IMMP2L: variants seen among roughly 807,000 people sequenced by gnomAD.
The protein encoded by IMMP2L is inner mitochondrial membrane peptidase subunit 2.
In IMMP2L, 18 loss-of-function variants were observed where a neutral mutation model predicts 19.3. The observed-to-expected ratio is 0.93, with a 90% CI of 0.64 to 1.38. The LOEUF is 1.38. Among genes scored for constraint, IMMP2L ranks in the 40% most tolerant of loss-of-function variants. The probability of loss-of-function intolerance (pLI) is 0.00; values close to 1 mark genes in which losing one functional copy is unlikely to be tolerated. For missense variants in IMMP2L, 233 were observed against 218.2 expected (o/e 1.07, Z -0.43); for synonymous variants, 76 against 73.0 (o/e 1.04, Z -0.21).
At chr7:111,087,301 T>G (rs1796428372) in intron 3 of IMMP2L, among the ~76,000 whole-genome samples, 1 of 151,880 alleles carries the variant, frequency 6.6e-6, no homozygotes, top group Non-Finnish European at 1.5e-5. Flanking sequence ...TACAAAAAAT[T>G]TGCAGGGCAT....
In IMMP2L at chr7:110,677,909, G is replaced by T. The variant is rs183390677; in HGVS notation, c.409-14188C>A. Among the ~76,000 whole-genome samples the T allele has an allele frequency of 2.2e-4, 34 of 152,186 alleles. No individual in the cohort carries two copies. In the South Asian group the frequency reaches 3.3e-3, roughly 15 times the overall value. ...TTCTTTGTGGGAAATGAGCTACTGA[G>T]ATTGCCCCCTCTGGTATCACCATCC... On this transcript the variant is annotated intron_variant, in intron 5 of 5. Transcript: ENST00000405709.
At chr7:111,042,874 T>C (rs528340078) in intron 3 of IMMP2L, among the ~76,000 whole-genome samples, 37 of 152,328 alleles carry the variant, frequency 2.4e-4, no homozygotes, top group African/African-American at 8.9e-4. Flanking sequence ...GAAGGCTATA[T>C]GTCTTGAAAG....
chr7:110,662,859 C>G lies in IMMP2L; in HGVS notation c.*743G>C, dbSNP rs1275486877. On this transcript the variant is annotated 3_prime_UTR_variant, in exon 6 of 6. Coordinates refer to ENST00000405709, the MANE Select transcript of IMMP2L (RefSeq NM_032549.4). ...GACTAAATGCGGATAAAGGGGTTTA[C>G]CCATCATTGTGAATAGGCATGAGAT... 1.3e-5 allele frequency among the ~76,000 whole-genome samples: 2 copies of G among 152,106 alleles called. No homozygotes were observed. Among genetic ancestry groups the G allele is most frequent in the Non-Finnish European group, 1.5e-5 (1 of 68,028 alleles).
chr7:110,945,546 C>T (rs1817168851), intron 4 of IMMP2L, among the ~76,000 whole-genome samples: 1 of 151,924 alleles, frequency 6.6e-6, no homozygotes, highest in South Asian at 2.1e-4. Flanking sequence ...ACCCCTGTAC[C>T]CCGGAGTGGG....
At chr7:110,977,878 T>C (rs1400510261) in intron 3 of IMMP2L, among the ~76,000 whole-genome samples, 3 of 152,058 alleles carry the variant, frequency 2.0e-5, no homozygotes, top group Non-Finnish European at 2.9e-5. Context: ...AGCTGTTAAA[T>C]TCGTAGCTAA....
At chr7:111,060,253 T>C (rs1421622276) in intron 3 of IMMP2L, among the ~76,000 whole-genome samples, 1 of 152,250 alleles carries the variant, frequency 6.6e-6, no homozygotes, top group Non-Finnish European at 1.5e-5. Context: ...TAATTGCATT[T>C]GCAGGTACTA....
chr7:110,812,612 G>C (rs1374720531), intron 5 of IMMP2L, among the ~76,000 whole-genome samples: 2 of 152,050 alleles, frequency 1.3e-5, no homozygotes, highest in Non-Finnish European at 2.9e-5. Context: ...TTGGAATTAA[G>C]TTACATATCC....
At chr7:111,295,366 A>C (rs1444473110) in intron 3 of IMMP2L, among the ~76,000 whole-genome samples, 1 of 151,934 alleles carries the variant, frequency 6.6e-6, no homozygotes, top group Non-Finnish European at 1.5e-5. Flanking sequence ...GGCAAAACAC[A>C]TATGACAAAG....
chr7:111,447,658 G>C (rs911663729), intron 3 of IMMP2L, among the ~76,000 whole-genome samples: 19 of 151,448 alleles, frequency 1.3e-4, no homozygotes, highest in Admixed American at 1.2e-3. Flanking sequence ...ACTAAGGAAC[G>C]AAATCACCAG....
At chr7:111,556,037 C>CTATATATATATAT (rs1791306579) in intron 1 of IMMP2L, among the ~76,000 whole-genome samples, 1 of 108,236 alleles carries the variant, frequency 9.2e-6, no homozygotes, top group Non-Finnish European at 1.8e-5. Flanking sequence ...TATATATATA[C>CTATATATATATAT]ATACCCAAAG....
At chr7:111,195,059 AAT>A (rs571846258) in intron 3 of IMMP2L, among the ~76,000 whole-genome samples, 20 of 152,142 alleles carry the variant, frequency 1.3e-4, no homozygotes, top group Non-Finnish European at 2.5e-4. Context: ...ATATTTATTT[AAT>A]ATGTTAGGTC....
chr7:111,338,865 A>G (rs760315340), intron 3 of IMMP2L, among the ~76,000 whole-genome samples: 2 of 152,134 alleles, frequency 1.3e-5, no homozygotes, highest in Non-Finnish European at 2.9e-5. Flanking sequence ...TAAGATTTGC[A>G]GTTGGCAACA....
At chr7:110,815,800 A>G (rs548385871) in intron 5 of IMMP2L, among the ~76,000 whole-genome samples, 95 of 152,054 alleles carry the variant, frequency 6.2e-4, no homozygotes, top group African/African-American at 2.2e-3. Flanking sequence ...TTTCTGTGGG[A>G]TCGGTGGTGA....
chr7:111,521,280 G>C lies in IMMP2L; in HGVS notation c.135+33C>G, dbSNP rs752383785. 3 of 1,594,456 alleles carry C rather than the reference G, an allele frequency of 1.9e-6. No individual in the cohort carries two copies. In the East Asian group the frequency reaches 6.7e-5, roughly 36 times the overall value. Reference sequence around the variant, plus strand: ...TAGTGCTTGAAAAACAATGAAGTATGTGCTTTAAAGAACGAAGTTATATCA... The same window carrying C: ...TAGTGCTTGAAAAACAATGAAGTATCTGCTTTAAAGAACGAAGTTATATCA... On this transcript the variant is annotated intron_variant, in intron 2 of 5. Coordinates refer to ENST00000405709, the MANE Select transcript of IMMP2L (RefSeq NM_032549.4).
chr7:110,690,350 G>C (rs1412941408), intron 5 of IMMP2L, among the ~76,000 whole-genome samples: 1 of 152,074 alleles, frequency 6.6e-6, no homozygotes. Flanking sequence ...TTTCACTTTA[G>C]TTCAGTCTGC....
intron 3 of IMMP2L, among the ~76,000 whole-genome samples, chr7:111,199,499 T>C (rs570391169): frequency 4.6e-5 from 7 of 152,254 alleles, no homozygotes; most frequent in Admixed American, 4.6e-4. Flanking sequence ...TTAAAAACAG[T>C]ACTATGTCTG....
intron 3 of IMMP2L, among the ~76,000 whole-genome samples, chr7:111,202,791 T>G (rs563232373): frequency 1.3e-5 from 2 of 152,024 alleles, no homozygotes; most frequent in South Asian, 4.2e-4. Context: ...ATTAGTAGAG[T>G]AGAAACAGAG....
chr7:111,530,779 A>G (rs535605546), intron 1 of IMMP2L, among the ~76,000 whole-genome samples: 1 of 152,216 alleles, frequency 6.6e-6, no homozygotes, highest in Admixed American at 6.5e-5. Context: ...TGTATGTTTA[A>G]AATTTTTCCT....
intron 5 of IMMP2L, among the ~76,000 whole-genome samples, chr7:110,698,710 T>G (rs1261736887): frequency 2.6e-5 from 4 of 152,156 alleles, no homozygotes; most frequent in African/African-American, 7.2e-5. Flanking sequence ...CCAAATGGAT[T>G]TCGTTACATG....
Sources: gnomAD v4.1 joint callset for allele counts (sites outside exome capture counted in the v4.1 genomes callset) on GRCh38, gnomAD v4.1.1 for gene constraint, MANE v1.5 for transcripts, NCBI Gene and HGNC (gene_info 2026-07-23, HGNC 2026-07-21) for gene names.